NT5M: variants seen among roughly 807,000 people sequenced by gnomAD.
The protein encoded by NT5M is 5',3'-nucleotidase, mitochondrial.
Under a neutral mutation model 22.2 loss-of-function variants are expected in NT5M, and 22 were observed. That is an observed-to-expected ratio of 0.99 (90% CI 0.71 to 1.41). The LOEUF (loss-of-function observed/expected upper bound fraction) is 1.41, where lower values mean the gene tolerates loss of function less well. NT5M is among the 40% of genes most tolerant of loss of function. The probability of loss-of-function intolerance (pLI) is 0.00; values close to 1 mark genes in which losing one functional copy is unlikely to be tolerated. For missense variants in NT5M, 322 were observed against 314.8 expected (o/e 1.02, Z -0.17); for synonymous variants, 167 against 133.0 (o/e 1.26, Z -1.76).
chr17:17,306,874 T>C (rs2048813730), intron 2 of NT5M, among the ~76,000 whole-genome samples: 1 of 152,204 alleles, frequency 6.6e-6, no homozygotes, highest in Non-Finnish European at 1.5e-5. Flanking sequence ...CCCAGTTTAA[T>C]TTGATCTGGT....
At chr17:17,320,288 G>A (rs911780470) in intron 2 of NT5M, among the ~76,000 whole-genome samples, 1 of 152,154 alleles carries the variant, frequency 6.6e-6, no homozygotes, top group Non-Finnish European at 1.5e-5. Context: ...ATGGCTTGGA[G>A]GGGTGAGAAC....
chr17:17,314,867 G>T (rs1382296255), intron 2 of NT5M, among the ~76,000 whole-genome samples: 8 of 152,168 alleles, frequency 5.3e-5, no homozygotes, highest in Non-Finnish European at 1.2e-4. Flanking sequence ...TCCTCACAGA[G>T]GCCTTCCCTG....
At position 17,303,755 on chromosome 17, in the gene NT5M, C is replaced by G; in HGVS notation, c.205C>G (p.Leu69Val). ...ARFPDQPFIA[L>V]EDRRGFWVSE... ...CTTTCCCGACCAGCCCTTCATCGCG[C>G]TGGAGGACCGGCGCGGCTTCTGGGT... The change falls in exon 1 of 5, where the codon CTG becomes GTG. Residue 69 changes from leucine (L) to valine (V), a missense_variant. By Grantham distance (32) the Leu-to-Val change is conservative. Coordinates refer to ENST00000389022, the MANE Select transcript of NT5M (RefSeq NM_020201.4). 10 of 1,588,194 alleles carry G rather than the reference C, an allele frequency of 6.3e-6. No individual in the cohort carries two copies. The highest frequency in any genetic ancestry group is 8.6e-6 in the Non-Finnish European group (10 of 1,169,152).
In NT5M at chr17:17,344,919, T is replaced by C. The variant is rs1406831592; in HGVS notation, c.544+11T>C. On this transcript the variant is annotated intron_variant, in intron 4 of 4. Coordinates refer to ENST00000389022, the MANE Select transcript of NT5M (RefSeq NM_020201.4). ...GGCCGGACATCACAGGCAAGTGGCC[T>C]GCGACAGGTGAGGAGCACGTGGGGA... 10 of 1,613,994 alleles carry C rather than the reference T, an allele frequency of 6.2e-6. No individual in the cohort carries two copies. Among genetic ancestry groups the C allele is most frequent in the Non-Finnish European group, 6.8e-6 (8 of 1,179,964 alleles).
intron 3 of NT5M, 52 bp downstream of exon 3, chr17:17,323,297 G>A (rs781345245): frequency 2.4e-5 from 36 of 1,471,336 alleles, no homozygotes; most frequent in East Asian, 2.3e-4. Context: ...TCACAGGTGA[G>A]GGGTACGGGG....
At chr17:17,312,545 G>A (rs917801817) in intron 2 of NT5M, among the ~76,000 whole-genome samples, 2 of 151,394 alleles carry the variant, frequency 1.3e-5, no homozygotes, top group African/African-American at 4.9e-5. Flanking sequence ...TCGGGAGGCT[G>A]AGGCAGGAGA....
At chr17:17,344,515 C>T (rs1378242804) in intron 3 of NT5M, among the ~76,000 whole-genome samples, 3 of 152,150 alleles carry the variant, frequency 2.0e-5, no homozygotes, top group East Asian at 1.9e-4. Context: ...GTGCAGTGTT[C>T]GCTGGGTGTG....
chr17:17,316,162 A>G (rs1293929872), intron 2 of NT5M, among the ~76,000 whole-genome samples: 1 of 148,704 alleles, frequency 6.7e-6, no homozygotes, highest in Non-Finnish European at 1.5e-5. Context: ...GGTAAAAGCA[A>G]TTATCCTGTT....
chr17:17,319,214 A>G (rs1041507082), intron 2 of NT5M, among the ~76,000 whole-genome samples: 3 of 27,932 alleles, frequency 1.1e-4, no homozygotes, highest in Admixed American at 4.4e-4. Context: ...CTCGTCTTAG[A>G]AAAAAAAAAA....
chr17:17,311,801 G>A (rs1223584096), intron 2 of NT5M, among the ~76,000 whole-genome samples: 1 of 152,244 alleles, frequency 6.6e-6, no homozygotes, highest in South Asian at 2.1e-4. Flanking sequence ...GTCCTGCAGA[G>A]TAGTGAATTT....
At chr17:17,318,297 C>T (rs1226650680) in intron 2 of NT5M, among the ~76,000 whole-genome samples, 2 of 150,732 alleles carry the variant, frequency 1.3e-5, no homozygotes, top group South Asian at 2.1e-4. Context: ...TGCCACACGG[C>T]GAAACCCCGT....
At position 17,315,743 on chromosome 17, in the gene NT5M, GGTTTTTTT is replaced by G. The variant is rs1216483288; in HGVS notation, c.369-7433_369-7426del. On this transcript the variant is annotated intron_variant, in intron 2 of 4. Coordinates refer to ENST00000389022, the MANE Select transcript of NT5M (RefSeq NM_020201.4). ...GAGAGATTGATGTGATCTAACTTAG[GGTTTTTTT>G]GTTTTTTTTTTTTTTTTTTTTTTGA... Among the ~76,000 whole-genome samples, 525 of 131,280 alleles carry G rather than the reference GGTTTTTTT, an allele frequency of 4.0e-3. 13 individuals are homozygous for G. The highest frequency in any genetic ancestry group is 0.014 in the African/African-American group (491 of 34,294). The allele number at this position is 131,280 out of a possible 152,430, so 86.1% of individuals were successfully genotyped here.
intron 2 of NT5M, among the ~76,000 whole-genome samples, chr17:17,319,275 TC>T (rs1182851633): frequency 4.0e-5 from 6 of 151,836 alleles, no homozygotes; most frequent in Non-Finnish European, 8.8e-5. Context: ...AGCCCCTGGT[TC>T]CCCGGGCTGT....
At chr17:17,321,300 G>A (rs891773512) in intron 2 of NT5M, among the ~76,000 whole-genome samples, 3 of 152,010 alleles carry the variant, frequency 2.0e-5, no homozygotes, top group African/African-American at 7.2e-5. Flanking sequence ...TCCAGCACAC[G>A]TTTGAATAAG....
At position 17,303,540 on chromosome 17, in the gene NT5M, C is replaced by A; in HGVS notation, c.-11C>A. Reference sequence around the variant, plus strand: ...GGTCCCCGCGCCCACGACGGGCCAGCGCGCTGGGCCATGATCCGGCTGGGC... The same window carrying A: ...GGTCCCCGCGCCCACGACGGGCCAGAGCGCTGGGCCATGATCCGGCTGGGC... On this transcript the variant is annotated 5_prime_UTR_variant, in exon 1 of 5. Coordinates refer to ENST00000389022, the MANE Select transcript of NT5M (RefSeq NM_020201.4). 1 of 1,053,908 alleles carries A rather than the reference C, an allele frequency of 9.5e-7. No individual in the cohort carries two copies. 65.3% of individuals were successfully genotyped at this position (1,053,908 alleles called of 1,614,324 possible).
chr17:17,343,455 G>A lies in NT5M; in HGVS notation c.430-1339G>A, dbSNP rs576433580. On this transcript the variant is annotated intron_variant, in intron 3 of 4. Coordinates refer to ENST00000389022, the MANE Select transcript of NT5M (RefSeq NM_020201.4). ...TAGGGCTGGTCTGCTCTGCAGATCC[G>A]GCCCTTTTCCCACGTCCCGTGTGCT... Among the ~76,000 whole-genome samples the A allele has an allele frequency of 6.8e-4, 103 of 152,324 alleles. 1 individual carries two copies. Among genetic ancestry groups the A allele is most frequent in the African/African-American group, 2.4e-3 (101 of 41,582 alleles).
chr17:17,346,764 G>C (rs2049768310), intron 4 of NT5M, 41 bp from the exon 5 acceptor site: 2 of 1,602,722 alleles, frequency 1.2e-6, no homozygotes, highest in African/African-American at 2.7e-5. Flanking sequence ...CTGCGCTCCA[G>C]GTCTCCACTG....
At chr17:17,306,725 T>C in intron 2 of NT5M, 82 bp downstream of exon 2, 1 of 951,992 alleles carries the variant, frequency 1.1e-6, no homozygotes, top group Non-Finnish European at 1.7e-6. Flanking sequence ...TCTTCCCTCC[T>C]CTGCCTTCTC....
chr17:17,306,570 A>G lies in NT5M; in HGVS notation c.295A>G (p.Lys99Glu). 6.2e-7 allele frequency: 1 copy of G among 1,614,000 alleles called. No homozygotes were observed. ...GAAGGCCATCAGCATTTGGGAGTCA[A>G]AGAATTTCTTTTTTGAACTTGAGCC... ...SEKAISIWES[K>E]NFFFELEPLP... The change falls in exon 2 of 5, where the codon AAG becomes GAG. Residue 99 changes from lysine to glutamate, a missense_variant. Transcript: ENST00000389022.
Sources: allele counts gnomAD v4.1 joint callset (sites outside exome capture counted in the v4.1 genomes callset), GRCh38; gene constraint gnomAD v4.1.1; transcripts MANE v1.5; gene names NCBI Gene and HGNC (gene_info 2026-07-23, HGNC 2026-07-21).